MALT1: variants seen among roughly 807,000 people sequenced by gnomAD.
MALT1 encodes MALT1 paracaspase, also known as mucosa-associated lymphoid tissue lymphoma translocation protein 1.
Under a neutral mutation model 85.5 loss-of-function variants are expected in MALT1, and 36 were observed. The ratio of observed to expected loss-of-function variants is 0.42; its 90% CI spans 0.32 to 0.56. The LOEUF is 0.56. MALT1 is among the 20% of genes least tolerant of loss of function. The probability of loss-of-function intolerance (pLI) is 0.10; values close to 1 mark genes in which losing one functional copy is unlikely to be tolerated. For synonymous variants in MALT1, 359 were observed against 361.3 expected (o/e 0.99, Z 0.07); for missense variants, 716 against 981.6 (o/e 0.73, Z 3.62).
intron 4 of MALT1, among the ~76,000 whole-genome samples, chr18:58,704,151 AC>A (rs949845910): frequency 4.5e-4 from 69 of 152,086 alleles, no homozygotes; most frequent in Non-Finnish European, 8.5e-4. Flanking sequence ...CTCATACAAG[AC>A]CTTTTCTGGA....
chr18:58,734,346 A>G lies in MALT1; in HGVS notation c.1440A>G (p.Leu480=). Residue 480 remains leucine (L), a synonymous_variant, in exon 12 of 17, where the codon CTA becomes CTG. Transcript: ENST00000649217. ...ATACCATTCCAATCTTGGATGCACTAAAAGTCACCGCCAATATTGTGTTTG... is the reference window on the plus strand; with the variant it reads ...ATACCATTCCAATCTTGGATGCACTGAAAGTCACCGCCAATATTGTGTTTG... The part of the protein sequence containing the change: ...YDDTIPILDA[L]KVTANIVFGY... 6.2e-7 allele frequency: 1 copy of G among 1,613,740 alleles called. No individual in the cohort carries two copies. The highest frequency in any genetic ancestry group is 8.5e-7 in the Non-Finnish European group (1 of 1,179,620).
At chr18:58,714,627 G>A (rs1207466636) in intron 8 of MALT1, among the ~76,000 whole-genome samples, 1 of 152,094 alleles carries the variant, frequency 6.6e-6, no homozygotes, top group East Asian at 1.9e-4. Context: ...ATTTCTTAAT[G>A]AGTGACAGTT....
At chr18:58,747,346 C>T (rs1000533466) in intron 16 of MALT1, 59 bp from the exon 17 acceptor site, 19 of 1,089,998 alleles carry the variant, frequency 1.7e-5, no homozygotes, top group Non-Finnish European at 2.6e-5. Context: ...TGAATATTTT[C>T]AGATTGATAT....
intron 2 of MALT1, among the ~76,000 whole-genome samples, chr18:58,694,113 C>T (rs763427705): frequency 1.3e-5 from 2 of 152,158 alleles, no homozygotes; most frequent in Admixed American, 6.5e-5. Context: ...GAACTTCATC[C>T]GTCCTGTACT....
intron 2 of MALT1, among the ~76,000 whole-genome samples, chr18:58,693,094 G>C (rs2144343431): frequency 6.6e-6 from 1 of 152,316 alleles, no homozygotes; most frequent in Non-Finnish European, 1.5e-5. Context: ...TAGTGGAGAA[G>C]CTGCAGCAAG....
At chr18:58,720,746 A>G (rs1305355521) in intron 9 of MALT1, among the ~76,000 whole-genome samples, 16 of 152,212 alleles carry the variant, frequency 1.1e-4, no homozygotes, top group Admixed American at 1.0e-3. Context: ...TTATATACTT[A>G]TAATTGTTTT....
At chr18:58,730,144 G>A (rs1042061958) in intron 10 of MALT1, among the ~76,000 whole-genome samples, 1 of 152,168 alleles carries the variant, frequency 6.6e-6, no homozygotes, top group African/African-American at 2.4e-5. Flanking sequence ...GGAAAATAAA[G>A]TTATATTTTG....
intron 11 of MALT1, 181 bp downstream of exon 11, chr18:58,733,755 TC>T: frequency 2.7e-6 from 2 of 736,972 alleles, no homozygotes; most frequent in Non-Finnish European, 4.1e-6. Context: ...TTATTTTAAC[TC>T]TTCATATTTG....
At chr18:58,722,906 AAAATG>A (rs1360992781) in intron 9 of MALT1, 137 bp from the exon 10 acceptor site, 1 of 624,478 alleles carries the variant, frequency 1.6e-6, no homozygotes, top group Non-Finnish European at 2.8e-6. Flanking sequence ...AAATAGTTCT[AAAATG>A]AAATTAAATA....
chr18:58,678,478 C>T (rs2054273410), intron 1 of MALT1, among the ~76,000 whole-genome samples: 2 of 152,112 alleles, frequency 1.3e-5, no homozygotes, highest in South Asian at 4.2e-4. Flanking sequence ...TATACACACA[C>T]ATATATGTTT....
Position 58,723,133 on chromosome 18 carries a change from A to T in MALT1, c.1104A>T (p.Glu368Asp). 6.2e-7 allele frequency: 1 copy of T among 1,614,068 alleles called. No homozygotes were observed. The highest frequency in any genetic ancestry group is 8.5e-7 in the Non-Finnish European group (1 of 1,179,958). Residue 368 changes from glutamate to aspartate, a missense_variant, in exon 10 of 17, where the codon GAA (glutamate) becomes GAT (aspartate). Glu to Asp is a conservative substitution (Grantham distance 45). Around this residue, in one of 4 missense-constraint regions of MALT1, gnomAD observed 290 missense variants for 380.5 expected, o/e 0.76. Transcript: ENST00000649217. ...AAGCTCCTTTGGTGGATGTGTACGAATTGACTAACTTACTGAGACAGCTGG... is the reference window on the plus strand; with the variant it reads ...AAGCTCCTTTGGTGGATGTGTACGATTTGACTAACTTACTGAGACAGCTGG... ...KLKAPLVDVY[E>D]LTNLLRQLDF...
Position 58,747,893 on chromosome 18 carries a change from C to T in MALT1, c.*51C>T. On this transcript the variant is annotated 3_prime_UTR_variant, in exon 17 of 17. Transcript: ENST00000649217. The stretch of plus-strand genomic sequence containing the variant: ...AATTTTAGATGCCTGTGAAATAGTA[C>T]TGCACTTACATAAAGTGAGACATTG... 1 of 1,440,410 alleles carries T rather than the reference C, an allele frequency of 6.9e-7. No individual in the cohort carries two copies. Among genetic ancestry groups the T allele is most frequent in the Non-Finnish European group, 9.6e-7 (1 of 1,039,752 alleles). The allele number at this position is 1,440,410 out of a possible 1,614,324, so 89.2% of individuals were successfully genotyped here. A position where few individuals can be genotyped will look rare whatever the true frequency, so the allele number is the denominator to read the frequency against.
intron 6 of MALT1, 109 bp from the exon 7 acceptor site, chr18:58,710,812 G>T (rs1691423665): frequency 3.0e-6 from 2 of 672,370 alleles, no homozygotes; most frequent in Non-Finnish European, 5.2e-6. Flanking sequence ...TGATGCATGT[G>T]TTGGTTTGCC....
rs1330624120 is a variant in MALT1, at chr18:58,671,703, G to A, written c.60G>A (p.Pro20=). 2.4e-6 allele frequency: 3 copies of A among 1,262,578 alleles called. No homozygotes were observed. The highest frequency in any genetic ancestry group is 3.0e-6 in the Non-Finnish European group (3 of 1,004,818). 78.2% of individuals were successfully genotyped at this position (1,262,578 alleles called of 1,614,324 possible). Residue 20 remains proline, a synonymous_variant, in exon 1 of 17, where the codon CCG becomes CCA. Coordinates refer to ENST00000649217, the MANE Select transcript of MALT1 (RefSeq NM_006785.4). ...ALPPSAAPTG[P]LLAPPAGATL... ...CGCCCTCGGCCGCCCCCACGGGGCC[G>A]CTGCTCGCCCCTCCGGCCGGCGCGA...
rs776961795 is a variant in MALT1, at chr18:58,747,472, A to G, written c.2105A>G (p.Lys702Arg). Residue 702 changes from lysine (K) to arginine (R), a missense_variant, in exon 17 of 17, where the codon AAG becomes AGG. By Grantham distance (26) the Lys-to-Arg change is conservative (BLOSUM62 2). This residue lies in a region of MALT1 where 260 missense variants were observed against 323.7 expected (regional missense o/e 0.80). Transcript: ENST00000649217. ...GGATTGGAAGATACTGTAGAGGACA[A>G]GCAGGAAGTGAATGTTGGGAAACCT... ...YSGLEDTVED[K>R]QEVNVGKPLI... 1 of 1,614,016 alleles carries G rather than the reference A, an allele frequency of 6.2e-7. No individual in the cohort carries two copies. The highest frequency in any genetic ancestry group is 1.7e-5 in the Admixed American group (1 of 60,028).
chr18:58,688,965 A>C (rs544080089), intron 2 of MALT1, among the ~76,000 whole-genome samples: 17 of 152,232 alleles, frequency 1.1e-4, no homozygotes, highest in African/African-American at 4.1e-4. Flanking sequence ...CAGCCTGGGC[A>C]ACATGGCAAA....
intron 2 of MALT1, among the ~76,000 whole-genome samples, chr18:58,689,251 TA>T (rs2054458520): frequency 9.4e-6 from 1 of 106,898 alleles, no homozygotes; most frequent in African/African-American, 6.0e-5. Flanking sequence ...TCTGCCATTT[TA>T]CAATGTAAAA....
In MALT1 at chr18:58,682,302, A is replaced by G. The variant is rs932839828; in HGVS notation, c.376+966A>G. On this transcript the variant is annotated intron_variant, in intron 2 of 16. Coordinates refer to ENST00000649217, the MANE Select transcript of MALT1 (RefSeq NM_006785.4). ...ACACATGGTATAGTGGTATGCTGTCAGTTACATGTACCAGAAACCCCAACC... is the reference window on the plus strand; with the variant it reads ...ACACATGGTATAGTGGTATGCTGTCGGTTACATGTACCAGAAACCCCAACC... 2.0e-5 allele frequency among the ~76,000 whole-genome samples: 3 copies of G among 152,216 alleles called. No individual in the cohort carries two copies. The East Asian group carries it at 5.8e-4, about 29-fold the overall frequency.
At chr18:58,737,837 C>T (rs1480541249) in intron 13 of MALT1, among the ~76,000 whole-genome samples, 2 of 152,226 alleles carry the variant, frequency 1.3e-5, no homozygotes, top group Non-Finnish European at 2.9e-5. Context: ...CCGGCCTCAG[C>T]CTCCCAAAGT....
Sources: gnomAD v4.1 joint callset for allele counts (sites outside exome capture counted in the v4.1 genomes callset) on GRCh38, gnomAD v4.1.1 for gene constraint, gnomAD v4.1.1 regional missense constraint, MANE v1.5 for transcripts, NCBI Gene and HGNC (gene_info 2026-07-23, HGNC 2026-07-21) for gene names.